SAP30BP: variants seen among roughly 807,000 people sequenced by gnomAD.
SAP30BP encodes the protein SAP30 binding protein.
Under a neutral mutation model 46.3 loss-of-function variants are expected in SAP30BP, and 31 were observed. The observed-to-expected ratio is 0.67, with a 90% CI of 0.50 to 0.90. The LOEUF is 0.90. SAP30BP is among the 40% of genes least tolerant of loss of function. The pLI, the probability that SAP30BP is intolerant of heterozygous loss-of-function variation, is 0.00. For missense variants in SAP30BP, 312 were observed against 391.0 expected (o/e 0.80, Z 1.70); for synonymous variants, 169 against 144.2 (o/e 1.17, Z -1.23).
At chr17:75,678,865 C>T (rs575672338) in intron 3 of SAP30BP, among the ~76,000 whole-genome samples, 2 of 152,262 alleles carry the variant, frequency 1.3e-5, no homozygotes, top group African/African-American at 4.8e-5. Context: ...GACCTGAAGC[C>T]GCGCGCAGAA....
At chr17:75,668,376 C>T (rs2059840950) in intron 1 of SAP30BP, 140 bp from the exon 2 acceptor site, 1 of 559,782 alleles carries the variant, frequency 1.8e-6, no homozygotes. Context: ...CCTATTGTAA[C>T]TTAACATGAG....
chr17:75,676,601 C>A (rs2059993685), intron 3 of SAP30BP, among the ~76,000 whole-genome samples: 1 of 152,182 alleles, frequency 6.6e-6, no homozygotes, highest in South Asian at 2.1e-4. Flanking sequence ...GTCATTATTT[C>A]AAATAAAAAT....
chr17:75,702,739 G>A (rs888174236), intron 6 of SAP30BP, 168 bp downstream of exon 6: 12 of 447,028 alleles, frequency 2.7e-5, no homozygotes, highest in African/African-American at 4.0e-5. Flanking sequence ...AACCCAGCCA[G>A]AGGCTTGCCA....
At chr17:75,673,568 G>A (rs2059938699) in intron 3 of SAP30BP, among the ~76,000 whole-genome samples, 1 of 152,200 alleles carries the variant, frequency 6.6e-6, no homozygotes, top group African/African-American at 2.4e-5. Context: ...TTTTCTTAGG[G>A]CTGGAAGGCT....
chr17:75,705,090 G>T, intron 9 of SAP30BP: 2 of 439,130 alleles, frequency 4.6e-6, no homozygotes, highest in Non-Finnish European at 8.5e-6. Flanking sequence ...GTCCGTTTTG[G>T]GTCATGGGGG....
At chr17:75,669,707 T>C (rs1046278595) in intron 2 of SAP30BP, among the ~76,000 whole-genome samples, 1 of 152,190 alleles carries the variant, frequency 6.6e-6, no homozygotes, top group Non-Finnish European at 1.5e-5. Flanking sequence ...ACTTCTTTCT[T>C]GACATTTTAT....
At position 75,704,656 on chromosome 17, in the gene SAP30BP, G is replaced by A. The variant is rs1002786847; in HGVS notation, c.602-100G>A. 55 of 881,586 alleles carry A rather than the reference G, an allele frequency of 6.2e-5. No individual in the cohort carries two copies. The East Asian group carries it at 1.2e-3, about 19-fold the overall frequency. 54.6% of individuals were successfully genotyped at this position (881,586 alleles called of 1,614,324 possible). On this transcript the variant is annotated intron_variant, in intron 8 of 10. Transcript: ENST00000584667. ...CACAAAGAACACTGAGCCCATGAAG[G>A]CCTTTAGCCCGCTGAAAAGAACGCA...
intron 2 of SAP30BP, 99 bp from the exon 3 acceptor site, chr17:75,671,717 C>T: frequency 2.3e-6 from 2 of 877,538 alleles, no homozygotes; most frequent in Non-Finnish European, 2.0e-6. Flanking sequence ...ATGACCCCAG[C>T]TGGGTAAATG....
chr17:75,677,832 G>C (rs2060016280), intron 3 of SAP30BP, among the ~76,000 whole-genome samples: 1 of 147,356 alleles, frequency 6.8e-6, no homozygotes, highest in Non-Finnish European at 1.5e-5. Flanking sequence ...AAGGCTAGCA[G>C]TTTACCCACC....
At chr17:75,700,446 C>T (rs2060391125) in intron 5 of SAP30BP, among the ~76,000 whole-genome samples, 1 of 152,188 alleles carries the variant, frequency 6.6e-6, no homozygotes, top group African/African-American at 2.4e-5. Flanking sequence ...CTCCTTGTCC[C>T]TCTGTGGGTT....
intron 2 of SAP30BP, 113 bp downstream of exon 2, chr17:75,668,738 G>T: frequency 1.5e-6 from 1 of 679,082 alleles, no homozygotes; most frequent in Non-Finnish European, 2.5e-6. Context: ...TTGCTCTCCC[G>T]TTTTGTTTTA....
chr17:75,706,254 C>A lies in SAP30BP; in HGVS notation c.746-86C>A. On this transcript the variant is annotated intron_variant, in intron 10 of 10. Transcript: ENST00000584667. This position sits in a 1 kb window ranked among gnomAD's most constrained non-coding sequence, Gnocchi z 4.6. ...GGTGGGCCACTTCGGGGTCTGCTCC[C>A]TAGACTCCCGCTGGCCTGCAGGGGG... is the stretch of plus-strand genomic sequence containing the variant. 1 of 1,551,600 alleles carries A rather than the reference C, an allele frequency of 6.4e-7. No homozygotes were observed.
intron 5 of SAP30BP, among the ~76,000 whole-genome samples, chr17:75,700,688 C>T (rs772839911): frequency 2.6e-5 from 4 of 152,218 alleles, no homozygotes; most frequent in African/African-American, 4.8e-5. Flanking sequence ...CTTCCCTTCC[C>T]GGAAGTCTCC....
intron 3 of SAP30BP, chr17:75,693,227 G>A (rs2060265813): frequency 1.1e-5 from 6 of 555,084 alleles, no homozygotes; most frequent in Non-Finnish European, 2.0e-5. Context: ...AGACCGGCGT[G>A]GGGCTCGGGA....
At chr17:75,686,481 A>G (rs1017465142) in intron 3 of SAP30BP, among the ~76,000 whole-genome samples, 1 of 151,346 alleles carries the variant, frequency 6.6e-6, no homozygotes, top group Non-Finnish European at 1.5e-5. Flanking sequence ...GCGCCACTGC[A>G]CTCCAGCCTG....
intron 3 of SAP30BP, chr17:75,679,751 G>T (rs530514383): frequency 6.6e-6 from 1 of 152,274 alleles, no homozygotes; most frequent in East Asian, 1.9e-4. Flanking sequence ...TCAAGTTTCT[G>T]ATCTTGTCTC....
At chr17:75,705,105 T>G (rs1240516301) in intron 9 of SAP30BP, 4 of 411,400 alleles carry the variant, frequency 9.7e-6, no homozygotes, top group African/African-American at 8.2e-5. Context: ...TGGGGGCCCT[T>G]TGTAGCCTGA....
At chr17:75,668,841 G>A (rs1265368627) in intron 2 of SAP30BP, among the ~76,000 whole-genome samples, 1 of 152,136 alleles carries the variant, frequency 6.6e-6, no homozygotes, top group Non-Finnish European at 1.5e-5. Flanking sequence ...ATTGAAATTT[G>A]GGGGAAAAGA....
At chr17:75,705,847 T>C in intron 9 of SAP30BP, 161 bp from the exon 10 acceptor site, 1 of 1,148,482 alleles carries the variant, frequency 8.7e-7, no homozygotes, top group Non-Finnish European at 1.2e-6. Context: ...TTTGGGTTCT[T>C]CTTAGACATC....
Sources: allele counts gnomAD v4.1 joint callset (sites outside exome capture counted in the v4.1 genomes callset), GRCh38; gene constraint gnomAD v4.1.1; non-coding constraint Gnocchi (gnomAD v3.1); transcripts MANE v1.5; gene names NCBI Gene and HGNC (gene_info 2026-07-23, HGNC 2026-07-21).